CABIN1: variants seen among roughly 807,000 people sequenced by gnomAD.
The protein encoded by CABIN1 is calcineurin-binding protein cabin-1.
Under a neutral mutation model 227.7 loss-of-function variants are expected in CABIN1, and 133 were observed. The observed-to-expected ratio is 0.58, with a 90% CI of 0.51 to 0.67. CABIN1 has a LOEUF of 0.67. CABIN1 is among the 30% of genes least tolerant of loss of function. The probability of loss-of-function intolerance (pLI) is 0.00; values close to 1 mark genes in which losing one functional copy is unlikely to be tolerated. For synonymous variants in CABIN1, 1,086 were observed against 1,155.1 expected (o/e 0.94, Z 1.21); for missense variants, 2,408 against 2,852.5 (o/e 0.84, Z 3.55).
chr22:24,160,947 TC>T (rs1345273039), intron 29 of CABIN1, among the ~76,000 whole-genome samples: 5 of 152,196 alleles, frequency 3.3e-5, no homozygotes, highest in African/African-American at 4.8e-5. Flanking sequence ...GGTTCCCAAA[TC>T]ATAGCAGTCA....
At chr22:24,038,595 C>A in intron 4 of CABIN1, 134 bp downstream of exon 4, 1 of 692,586 alleles carries the variant, frequency 1.4e-6, no homozygotes, top group Non-Finnish European at 2.6e-6. Flanking sequence ...CACCTCTCTG[C>A]CCCTATTTCC....
At position 24,165,552 on chromosome 22, in the gene CABIN1, C is replaced by T. The variant is rs1221409667; in HGVS notation, c.4933C>T (p.Arg1645Cys). Residue 1645 changes from arginine (R) to cysteine (C), a missense_variant, in exon 31 of 37, where the codon CGC (arginine) becomes TGC (cysteine). Physicochemically the swap from Arg to Cys is radical, Grantham distance 180. This residue lies in a region of CABIN1 where 649 missense variants were observed against 910.3 expected (regional missense o/e 0.71). Coordinates refer to ENST00000263119, the MANE Select transcript of CABIN1 (RefSeq NM_012295.4). ...QGKKYLRDAD[R>C]QVLAQRAFIL... is the part of the protein sequence containing the mutation. ...CAGGAAGTATCTGCGAGATGCTGAC[C>T]GCCAGGTCCTGGCGCAGCGGGCCTT... The T allele has an allele frequency of 1.9e-6, 3 of 1,613,124 alleles. No individual in the cohort carries two copies. Among genetic ancestry groups the T allele is most frequent in the Non-Finnish European group, 2.5e-6 (3 of 1,179,986 alleles).
At chr22:24,112,823 G>A (rs967314035) in intron 26 of CABIN1, among the ~76,000 whole-genome samples, 2 of 152,070 alleles carry the variant, frequency 1.3e-5, no homozygotes, top group African/African-American at 4.8e-5. Context: ...AAGCAACAAG[G>A]TTTCCTCCCC....
chr22:24,086,594 T>C (rs1262288156), intron 22 of CABIN1, among the ~76,000 whole-genome samples: 2 of 152,364 alleles, frequency 1.3e-5, no homozygotes, highest in East Asian at 3.9e-4. Flanking sequence ...TCTTCTGTGC[T>C]AGCAGTGCAT....
intron 33 of CABIN1, among the ~76,000 whole-genome samples, 192 bp from the exon 34 acceptor site, chr22:24,171,504 GTCCTAGCATCAGCAGGA>G (rs1462256645): frequency 6.6e-6 from 1 of 152,206 alleles, no homozygotes; most frequent in Non-Finnish European, 1.5e-5. Context: ...CTCCAGCTGT[GTCCTAGCATCAGCAGGA>G]TCCTGATGGG....
In CABIN1 at chr22:24,066,455, A is replaced by C. The variant is rs536565550; in HGVS notation, c.2038-532A>C. 3.3e-5 allele frequency among the ~76,000 whole-genome samples: 5 copies of C among 152,364 alleles called. No homozygotes were observed. The East Asian group carries it at 9.6e-4, about 29-fold the overall frequency. ...GCCACTTTATTCATTGTGCAGCTCCAGACCCTGCTGCAGTTCTGCATCTGT... is the reference window on the plus strand; with the variant it reads ...GCCACTTTATTCATTGTGCAGCTCCCGACCCTGCTGCAGTTCTGCATCTGT... On this transcript the variant is annotated intron_variant, in intron 15 of 36. Transcript: ENST00000263119.
chr22:24,116,015 G>A (rs1030640270), intron 27 of CABIN1, among the ~76,000 whole-genome samples: 7 of 152,270 alleles, frequency 4.6e-5, no homozygotes, highest in Admixed American at 3.9e-4. Context: ...CCCTCCCACC[G>A]TGTCTAGCAG....
At position 24,177,571 on chromosome 22, in the gene CABIN1, C is replaced by T. The variant is rs1342157822; in HGVS notation, c.6273C>T (p.Pro2091=). The change falls in exon 36 of 37, where the codon CCC becomes CCT. Residue 2091 remains proline, a synonymous_variant. Coordinates refer to ENST00000263119, the MANE Select transcript of CABIN1 (RefSeq NM_012295.4). This position sits in a 1 kb window ranked among gnomAD's most constrained non-coding sequence, Gnocchi z 4.4. ...EAQEAASETQ[P]LSSPPTAASS... Reference sequence around the variant, plus strand: ...AGGAGGCTGCGAGTGAGACTCAGCCCCTGAGCTCTCCCCCAACAGCTGCCA... The same window carrying T: ...AGGAGGCTGCGAGTGAGACTCAGCCTCTGAGCTCTCCCCCAACAGCTGCCA... The T allele has an allele frequency of 4.4e-6, 7 of 1,599,604 alleles. No individual in the cohort carries two copies. Among genetic ancestry groups the T allele is most frequent in the Non-Finnish European group, 6.0e-6 (7 of 1,170,364 alleles).
intron 25 of CABIN1, among the ~76,000 whole-genome samples, chr22:24,097,059 A>C (rs902550503): frequency 2.0e-5 from 3 of 152,228 alleles, no homozygotes; most frequent in African/African-American, 7.2e-5. Flanking sequence ...GTTCACGTCC[A>C]TGCATGGCAG....
intron 24 of CABIN1, 73 bp downstream of exon 24, chr22:24,091,916 G>C (rs1311504342): frequency 6.3e-7 from 1 of 1,577,820 alleles, no homozygotes; most frequent in Non-Finnish European, 8.7e-7. Flanking sequence ...CTGGGCATGT[G>C]GCTCAAGGTT....
At chr22:24,074,217 T>C (rs2040283552) in intron 18 of CABIN1, among the ~76,000 whole-genome samples, 1 of 152,134 alleles carries the variant, frequency 6.6e-6, no homozygotes, top group South Asian at 2.1e-4. Flanking sequence ...TCCTCAAAAT[T>C]AATTATGCAA....
intron 28 of CABIN1, among the ~76,000 whole-genome samples, chr22:24,128,022 A>T (rs1391270538): frequency 6.6e-6 from 1 of 152,000 alleles, no homozygotes; most frequent in African/African-American, 2.4e-5. Context: ...GCCTTCCTCT[A>T]GCTGTGATGA....
At chr22:24,078,069 C>CTAT (rs1402538619) in intron 19 of CABIN1, among the ~76,000 whole-genome samples, 1 of 152,146 alleles carries the variant, frequency 6.6e-6, no homozygotes, top group Non-Finnish European at 1.5e-5. Flanking sequence ...GCCTGCCATG[C>CTAT]TATTCCTCAG....
intron 23 of CABIN1, among the ~76,000 whole-genome samples, chr22:24,091,223 G>C (rs995988401): frequency 6.6e-6 from 1 of 152,334 alleles, no homozygotes; most frequent in Admixed American, 6.5e-5. Context: ...CCTCTTCAGT[G>C]CCGTAGGGCT....
In CABIN1 at chr22:24,050,858, A is replaced by C; in HGVS notation, c.690A>C (p.Ala230=). The change falls in exon 8 of 37, where the codon GCA becomes GCC. Residue 230 remains alanine, a synonymous_variant. Transcript: ENST00000263119. ...CGATTCACGATGTTTCGGTGAGTGC[A>C]GCTGAGACACAGGCGATTGTAGATG... The part of the protein sequence containing the change: ...DMSIHDVSVS[A]AETQAIVDEA... The C allele has an allele frequency of 6.2e-7, 1 of 1,614,228 alleles. No individual in the cohort carries two copies. The highest frequency in any genetic ancestry group is 8.5e-7 in the Non-Finnish European group (1 of 1,180,052).
At position 24,078,853 on chromosome 22, in the gene CABIN1, G is replaced by C. The variant is rs891433961; in HGVS notation, c.2748+2569G>C. 2.6e-4 allele frequency among the ~76,000 whole-genome samples: 39 copies of C among 152,100 alleles called. 1 individual carries two copies. The highest frequency in any genetic ancestry group is 8.5e-4 in the African/African-American group (35 of 41,414). ...CTACCTCCCTCACTCTCTTGAAGCT[G>C]GTTGTGTATCTTTTTGTCCACATTT... On this transcript the variant is annotated intron_variant, in intron 19 of 36. Coordinates refer to ENST00000263119, the MANE Select transcript of CABIN1 (RefSeq NM_012295.4).
chr22:24,175,786 C>T (rs1002074646), intron 34 of CABIN1: 4 of 466,778 alleles, frequency 8.6e-6, no homozygotes, highest in African/African-American at 5.9e-5. Context: ...CCCCCATCCC[C>T]TCTCACTGCC....
chr22:24,176,156 C>T lies in CABIN1; in HGVS notation c.6086C>T (p.Pro2029Leu), dbSNP rs2047093209. The stretch of plus-strand genomic sequence containing the variant: ...GTGGCAGAGGGCACCAGCTTCCCGC[C>T]TCAGGAGCCACGGCACAGTCCGCAG... The part of the protein sequence containing the change: ...ARVAEGTSFP[P>L]QEPRHSPQVK... Residue 2029 changes from proline to leucine, a missense_variant, in exon 35 of 37, where the codon CCT becomes CTT. By Grantham distance (98) the Pro-to-Leu change is moderately conservative. Transcript: ENST00000263119. 6.2e-7 allele frequency: 1 copy of T among 1,610,996 alleles called. No homozygotes were observed. Among genetic ancestry groups the T allele is most frequent in the Non-Finnish European group, 8.5e-7 (1 of 1,179,322 alleles).
chr22:24,177,049 G>C lies in CABIN1; in HGVS notation c.6206-455G>C, dbSNP rs2047157464. On this transcript the variant is annotated intron_variant, in intron 35 of 36. Coordinates refer to ENST00000263119, the MANE Select transcript of CABIN1 (RefSeq NM_012295.4). The surrounding 1 kb of genome is among the most constrained non-coding windows in gnomAD (Gnocchi z 4.4). Reference sequence around the variant, plus strand: ...CAAACTCAGCCCCTTGCTCCCACTGGAGGATGAGGCGAAAGTGGATGCCCT... The same window carrying C: ...CAAACTCAGCCCCTTGCTCCCACTGCAGGATGAGGCGAAAGTGGATGCCCT... Among the ~76,000 whole-genome samples, 1 of 152,244 alleles carries C rather than the reference G, an allele frequency of 6.6e-6. No homozygotes were observed. The highest frequency in any genetic ancestry group is 2.4e-5 in the African/African-American group (1 of 41,472).
Sources: gnomAD v4.1 joint callset for allele counts (sites outside exome capture counted in the v4.1 genomes callset) on GRCh38, gnomAD v4.1.1 for gene constraint, gnomAD v4.1.1 regional missense constraint, Gnocchi (gnomAD v3.1) non-coding constraint, MANE v1.5 for transcripts, NCBI Gene and HGNC (gene_info 2026-07-23, HGNC 2026-07-21) for gene names.